The following NAALADL2 variants were observed in gnomAD, a reference collection of about 807,000 sequenced individuals.
NAALADL2 encodes N-acetylated alpha-linked acidic dipeptidase like 2.
Under a neutral mutation model 87.2 loss-of-function variants are expected in NAALADL2, and 76 were observed. That is an observed-to-expected ratio of 0.87 (90% confidence interval 0.72 to 1.05). The LOEUF (loss-of-function observed/expected upper bound fraction) is 1.05, where lower values mean the gene tolerates loss of function less well. Ranked by LOEUF, NAALADL2 falls within the 50% of genes least tolerant of loss-of-function variation. NAALADL2 has a pLI of 0.00. For missense variants in NAALADL2, 1,089 were observed against 945.8 expected (o/e 1.15, Z -1.99); for synonymous variants, 354 against 331.0 (o/e 1.07, Z -0.75).
In NAALADL2 at chr3:174,567,367, A is replaced by G. The variant is rs533675589; in HGVS notation, c.-115+16730A>G. Among the ~76,000 whole-genome samples, 24 of 151,740 alleles carry G rather than the reference A, an allele frequency of 1.6e-4. No individual in the cohort carries two copies. The South Asian group carries it at 3.3e-3, about 21-fold the overall frequency. ...AATACGCAGCAGTTTAAAAGTAGAT[A>G]TAGACTTTTTGTTTATAAAATAAAC... On this transcript the variant is annotated intron_variant, in intron 2 of 3. Transcript: ENST00000434257.
intron 2 of NAALADL2, among the ~76,000 whole-genome samples, chr3:174,615,276 T>C (rs1372420553): frequency 6.6e-6 from 1 of 152,214 alleles, no homozygotes; most frequent in Non-Finnish European, 1.5e-5. Flanking sequence ...TGATCTATCC[T>C]TCTTTCAGGT....
chr3:175,081,739 T>C (rs1717872309), intron 1 of NAALADL2, among the ~76,000 whole-genome samples: 2 of 152,206 alleles, frequency 1.3e-5, no homozygotes, highest in South Asian at 4.1e-4. Context: ...TTCTTAACGA[T>C]AGACCCCACA....
rs373080871 is a variant in NAALADL2 at position 175,131,716 on chromosome 3, T to A, written c.545+34425T>A. 2.6e-3 allele frequency among the ~76,000 whole-genome samples: 387 copies of A among 148,988 alleles called. 2 individuals are homozygous for A. Among genetic ancestry groups the A allele is most frequent in the African/African-American group, 9.2e-3 (371 of 40,318 alleles). On this transcript the variant is annotated intron_variant, in intron 2 of 13. Coordinates refer to ENST00000454872, the MANE Select transcript of NAALADL2 (RefSeq NM_207015.3). ...GGGTCTCCTCACTTCCCAGTAGGGG[T>A]GGCCGGGCAGAGGCGCCCCTCACCC...
chr3:175,699,244 G>A (rs754674330), intron 11 of NAALADL2, among the ~76,000 whole-genome samples: 31 of 151,834 alleles, frequency 2.0e-4, no homozygotes, highest in Admixed American at 1.5e-3. Flanking sequence ...CAAAAATAAT[G>A]TTGAGAACCA....
chr3:175,102,126 C>T (rs1358307767), intron 2 of NAALADL2, among the ~76,000 whole-genome samples: 1 of 152,240 alleles, frequency 6.6e-6, no homozygotes. Context: ...AAAATACTGC[C>T]TGGTATTCCA....
At chr3:174,774,927 T>G (rs1054274958) in intron 3 of NAALADL2, among the ~76,000 whole-genome samples, 1 of 152,158 alleles carries the variant, frequency 6.6e-6, no homozygotes, top group Non-Finnish European at 1.5e-5. Flanking sequence ...TACTTGGCTG[T>G]TGGTTTTTAC....
At chr3:174,665,292 AG>A (rs1359238940) in intron 2 of NAALADL2, among the ~76,000 whole-genome samples, 3 of 152,170 alleles carry the variant, frequency 2.0e-5, no homozygotes, top group Non-Finnish European at 2.9e-5. Context: ...TCTAACGTAG[AG>A]GTAACACATT....
chr3:175,772,393 A>G (rs1749615674), intron 13 of NAALADL2, among the ~76,000 whole-genome samples: 1 of 152,138 alleles, frequency 6.6e-6, no homozygotes, highest in African/African-American at 2.4e-5. Flanking sequence ...AAGCAGTAAA[A>G]GAAAGCTGGA....
intron 5 of NAALADL2, among the ~76,000 whole-genome samples, chr3:175,382,093 C>T (rs903718506): frequency 2.6e-5 from 4 of 152,030 alleles, no homozygotes; most frequent in South Asian, 2.1e-4. Context: ...GGGAGGGGAG[C>T]GCCTTAGAGA....
intron 2 of NAALADL2, among the ~76,000 whole-genome samples, chr3:174,643,252 GT>G (rs1723436227): frequency 6.6e-6 from 1 of 152,102 alleles, no homozygotes; most frequent in Non-Finnish European, 1.5e-5. Flanking sequence ...ATGGATATTG[GT>G]GAAGGGACAA....
intron 8 of NAALADL2, among the ~76,000 whole-genome samples, chr3:175,469,758 A>G (rs1286375452): frequency 2.6e-5 from 4 of 152,128 alleles, no homozygotes; most frequent in Middle Eastern, 3.4e-3. Flanking sequence ...AACTTCCCTA[A>G]GACTTGATTC....
intron 2 of NAALADL2, among the ~76,000 whole-genome samples, chr3:175,146,102 T>TA (rs1730716005): frequency 6.6e-6 from 1 of 152,214 alleles, no homozygotes; most frequent in East Asian, 1.9e-4. Flanking sequence ...TACAGAATAG[T>TA]AAAAAATCTC....
rs543411221 is a variant in NAALADL2, at chr3:175,564,425, A to C, written c.1654-11616A>C. ...ATTAAACATATTTGCAGTCTGAGAG[A>C]GTTAATATGGATTTGAAAACCAGTT... is the stretch of plus-strand genomic sequence containing the variant. On this transcript the variant is annotated intron_variant, in intron 9 of 13. Coordinates refer to ENST00000454872, the MANE Select transcript of NAALADL2 (RefSeq NM_207015.3). Among the ~76,000 whole-genome samples, 10 of 152,248 alleles carry C rather than the reference A, an allele frequency of 6.6e-5. No homozygotes were observed. In the South Asian group the frequency reaches 2.1e-3, roughly 32 times the overall value.
chr3:175,376,588 C>A (rs1304220733), intron 5 of NAALADL2, among the ~76,000 whole-genome samples: 1 of 152,060 alleles, frequency 6.6e-6, no homozygotes, highest in East Asian at 1.9e-4. Context: ...TATGATATAG[C>A]TTGGTGTTCT....
chr3:175,701,876 T>G (rs1488714884), intron 11 of NAALADL2, among the ~76,000 whole-genome samples: 1 of 152,224 alleles, frequency 6.6e-6, no homozygotes. Flanking sequence ...TCTGTCTTTT[T>G]GTTGCGAATT....
intron 5 of NAALADL2, among the ~76,000 whole-genome samples, chr3:175,445,601 C>A (rs535397566): frequency 6.6e-6 from 1 of 152,202 alleles, no homozygotes; most frequent in South Asian, 2.1e-4. Flanking sequence ...TACATCACTG[C>A]CTTTTTCCCT....
intron 12 of NAALADL2, among the ~76,000 whole-genome samples, chr3:175,753,232 C>G (rs1335382837): frequency 6.6e-6 from 1 of 152,126 alleles, no homozygotes; most frequent in Non-Finnish European, 1.5e-5. Context: ...AGCATTATTT[C>G]TCCTTCTACC....
intron 11 of NAALADL2, among the ~76,000 whole-genome samples, chr3:175,691,020 AT>A (rs56678648): frequency 0.23 from 34,277 of 151,530 alleles, 7,724 homozygotes; most frequent in African/African-American, 0.58. Flanking sequence ...ATATACCTTT[AT>A]TACTTGTAGT....
chr3:174,730,570 A>G (rs563802571), intron 2 of NAALADL2, among the ~76,000 whole-genome samples: 3 of 152,190 alleles, frequency 2.0e-5, no homozygotes, highest in Non-Finnish European at 4.4e-5. Context: ...ATTTCTATAG[A>G]GAACTAACGG....
Sources: allele counts gnomAD v4.1 joint callset (sites outside exome capture counted in the v4.1 genomes callset), GRCh38; gene constraint gnomAD v4.1.1; transcripts MANE v1.5; gene names NCBI Gene and HGNC (gene_info 2026-07-23, HGNC 2026-07-21).